The following SLC17A6 variants were observed in gnomAD, a reference collection of about 807,000 sequenced individuals.
SLC17A6 encodes vesicular glutamate transporter 2.
A neutral mutation model predicts 67.1 loss-of-function variants in SLC17A6; 35 were observed. The observed-to-expected ratio is 0.52, with a 90% CI of 0.40 to 0.69. The LOEUF is 0.69. Among genes scored for constraint, SLC17A6 ranks in the 30% least tolerant of loss-of-function variants. SLC17A6 has a pLI of 0.00. For synonymous variants in SLC17A6, 285 were observed against 252.3 expected (o/e 1.13, Z -1.23); for missense variants, 588 against 723.9 (o/e 0.81, Z 2.15).
intron 3 of SLC17A6, among the ~76,000 whole-genome samples, chr11:22,354,375 C>T (rs538088940): frequency 8.5e-5 from 13 of 152,310 alleles, no homozygotes; most frequent in Admixed American, 7.2e-4. Flanking sequence ...TGAGCCACCG[C>T]GCCCGGCAAT....
At position 22,360,886 on chromosome 11, in the gene SLC17A6, C is replaced by T. The variant is rs2133869993; in HGVS notation, c.574-11C>T. On this transcript the variant is annotated splice_polypyrimidine_tract_variant and intron_variant, in intron 4 of 11. Transcript: ENST00000263160. The stretch of plus-strand genomic sequence containing the variant: ...AATGGTGACAGTGATGAGTATCTTC[C>T]CCCATCACAGGGTGTGACCTACCCA... 1 of 1,607,542 alleles carries T rather than the reference C, an allele frequency of 6.2e-7. No homozygotes were observed. Among genetic ancestry groups the T allele is most frequent in the East Asian group, 2.2e-5 (1 of 44,830 alleles).
chr11:22,343,150 A>G lies in SLC17A6; in HGVS notation c.340-97A>G, dbSNP rs150069791. On this transcript the variant is annotated intron_variant, in intron 2 of 11. Transcript: ENST00000263160. ...TATCCCCAGAATGCATGAAGCGCCC[A>G]AGCCTTGGGGGCTTTTTGGCTTGTG... is the stretch of plus-strand genomic sequence containing the variant. 271 of 1,013,836 alleles carry G rather than the reference A, an allele frequency of 2.7e-4. No individual in the cohort carries two copies. In the East Asian group the frequency reaches 6.3e-3, roughly 24 times the overall value. The allele number at this position is 1,013,836 out of a possible 1,614,324, so 62.8% of individuals were successfully genotyped here.
chr11:22,359,333 T>C, intron 3 of SLC17A6, 80 bp from the exon 4 acceptor site: 1 of 772,786 alleles, frequency 1.3e-6, no homozygotes, highest in Non-Finnish European at 1.9e-6. Flanking sequence ...TTTAAATGTT[T>C]CACTTCTCCT....
chr11:22,363,199 T>C (rs1481667571), intron 6 of SLC17A6, among the ~76,000 whole-genome samples: 2 of 139,196 alleles, frequency 1.4e-5, no homozygotes, highest in East Asian at 2.4e-4. Context: ...TAATTCTGCC[T>C]CTTCAAGATT....
chr11:22,360,182 CA>C (rs1564983097), intron 4 of SLC17A6, among the ~76,000 whole-genome samples: 1 of 151,138 alleles, frequency 6.6e-6, no homozygotes, highest in Non-Finnish European at 1.5e-5. Context: ...TACAGAGACA[CA>C]GATGGAGCTG....
intron 11 of SLC17A6, among the ~76,000 whole-genome samples, 158 bp downstream of exon 11, chr11:22,376,830 C>A (rs1279357746): frequency 2.0e-5 from 3 of 152,138 alleles, no homozygotes; most frequent in Non-Finnish European, 4.4e-5. Flanking sequence ...AATACAGTAT[C>A]TTTTTAAGAA....
intron 7 of SLC17A6, among the ~76,000 whole-genome samples, chr11:22,369,396 G>T (rs1856148562): frequency 6.6e-6 from 1 of 151,846 alleles, no homozygotes; most frequent in African/African-American, 2.4e-5. Flanking sequence ...GGTACGCTGG[G>T]GGTAGACAAA....
chr11:22,348,821 G>A (rs1035557411), intron 3 of SLC17A6, among the ~76,000 whole-genome samples: 2 of 152,096 alleles, frequency 1.3e-5, no homozygotes, highest in African/African-American at 2.4e-5. Flanking sequence ...ATTCTGGCTG[G>A]CATAATTATG....
intron 3 of SLC17A6, among the ~76,000 whole-genome samples, chr11:22,347,161 A>G (rs1331908606): frequency 2.0e-5 from 3 of 151,670 alleles, no homozygotes; most frequent in Admixed American, 6.6e-5. Context: ...TTGCTATATT[A>G]CTAGTATCTC....
intron 5 of SLC17A6, chr11:22,362,175 A>G: frequency 2.8e-6 from 1 of 363,534 alleles, no homozygotes; most frequent in Admixed American, 3.9e-5. Flanking sequence ...GGGACAGCAA[A>G]GAAAACAAAT....
intron 1 of SLC17A6, among the ~76,000 whole-genome samples, chr11:22,339,180 TTTATATATATATATATATATATATG>T (rs1855782151): frequency 3.1e-5 from 1 of 32,140 alleles, no homozygotes; most frequent in Non-Finnish European, 5.2e-5. Context: ...ATATATATGT[TTTATATATATATATATATATATATG>T]TTAGAGAGAG....
intron 8 of SLC17A6, among the ~76,000 whole-genome samples, chr11:22,373,212 T>G (rs1197490783): frequency 6.6e-6 from 1 of 152,210 alleles, no homozygotes; most frequent in African/African-American, 2.4e-5. Flanking sequence ...TATTAAATAC[T>G]GGGTCAGAAT....
chr11:22,358,254 T>A (rs755023885), intron 3 of SLC17A6, among the ~76,000 whole-genome samples: 76 of 152,366 alleles, frequency 5.0e-4, no homozygotes, highest in Non-Finnish European at 8.7e-4. Context: ...TGCAAGGGAA[T>A]AGTTATAAAG....
chr11:22,371,338 G>T (rs906834492), intron 8 of SLC17A6, among the ~76,000 whole-genome samples: 5 of 151,886 alleles, frequency 3.3e-5, no homozygotes, highest in Non-Finnish European at 7.4e-5. Context: ...CTGAGACCTG[G>T]GACTGAAGAA....
chr11:22,375,055 C>T (rs532376445), intron 9 of SLC17A6, among the ~76,000 whole-genome samples, 168 bp downstream of exon 9: 1 of 152,254 alleles, frequency 6.6e-6, no homozygotes, highest in East Asian at 1.9e-4. Context: ...TTTCATAACT[C>T]CTAGTTTTAA....
At chr11:22,338,875 C>A (rs1480245561) in intron 1 of SLC17A6, among the ~76,000 whole-genome samples, 1 of 147,058 alleles carries the variant, frequency 6.8e-6, no homozygotes, top group Non-Finnish European at 1.5e-5. Context: ...TTGGTGCCTG[C>A]AGAGTTTTTG....
At chr11:22,363,495 C>T (rs902941076) in intron 6 of SLC17A6, among the ~76,000 whole-genome samples, 2 of 152,174 alleles carry the variant, frequency 1.3e-5, no homozygotes, top group South Asian at 2.1e-4. Flanking sequence ...TAAAGGAAAG[C>T]TGGATCCCAA....
chr11:22,340,182 G>T (rs374182743), intron 1 of SLC17A6, among the ~76,000 whole-genome samples: 1 of 152,192 alleles, frequency 6.6e-6, no homozygotes, highest in Non-Finnish European at 1.5e-5. Context: ...AAACAATTGG[G>T]TGTTCACATA....
chr11:22,339,217 GAGAA>G (rs1337069331), intron 1 of SLC17A6, among the ~76,000 whole-genome samples: 7 of 145,188 alleles, frequency 4.8e-5, no homozygotes, highest in East Asian at 4.0e-4. Context: ...TAGAGAGAGA[GAGAA>G]AGAGAGAGGT....
Sources: gnomAD v4.1 joint callset for allele counts (sites outside exome capture counted in the v4.1 genomes callset) on GRCh38, gnomAD v4.1.1 for gene constraint, MANE v1.5 for transcripts, NCBI Gene and HGNC (gene_info 2026-07-23, HGNC 2026-07-21) for gene names.